GRM3: variants seen among roughly 807,000 people sequenced by gnomAD.
The protein encoded by GRM3 is metabotropic glutamate receptor 3.
Under a neutral mutation model 70.5 loss-of-function variants are expected in GRM3, and 26 were observed. The observed-to-expected ratio is 0.37, with a 90% confidence interval of 0.27 to 0.51. The LOEUF (loss-of-function observed/expected upper bound fraction) is 0.51. Among genes scored for constraint, GRM3 ranks in the 20% least tolerant of loss-of-function variants. GRM3 has a pLI of 0.93. For synonymous variants in GRM3, 443 were observed against 434.9 expected, an observed-to-expected ratio of 1.02 and a Z score of -0.23; for missense variants, 859 against 1,123.8, an observed-to-expected ratio of 0.76 and a Z score of 3.37.
intron 3 of GRM3, among the ~76,000 whole-genome samples, chr7:86,789,733 T>C (rs1315394280): frequency 1.3e-5 from 2 of 152,216 alleles, no homozygotes; most frequent in Admixed American, 6.5e-5. Context: ...GGGACACTTT[T>C]AGCCAATTCC....
At chr7:86,856,995 A>G (rs12704294) in intron 5 of GRM3, among the ~76,000 whole-genome samples, 20,778 of 152,098 alleles carry the variant, frequency 0.14, 1,591 homozygotes, top group Non-Finnish European at 0.17. Context: ...TTTGATAACT[A>G]GAGTTATAGA....
rs193065048 is a variant in GRM3, at chr7:86,742,753, A to G, written c.-140-22253A>G. ...TCCCAATAAGAAGTATATTGTGATT[A>G]AAGGTGACCTTTGCAAAGCACTTTA... is the stretch of plus-strand genomic sequence containing the variant. On this transcript the variant is annotated intron_variant, in intron 1 of 5. Transcript: ENST00000361669. Among the ~76,000 whole-genome samples the G allele has an allele frequency of 3.9e-4, 59 of 152,302 alleles. 1 individual carries two copies. The highest frequency in any genetic ancestry group is 3.7e-3 in the Admixed American group (57 of 15,278).
chr7:86,764,683 A>G (rs1007861602), intron 1 of GRM3, among the ~76,000 whole-genome samples: 10 of 152,128 alleles, frequency 6.6e-5, no homozygotes, highest in Non-Finnish European at 1.2e-4. Context: ...TAGAGAGAGT[A>G]CTGGACTTGG....
At chr7:86,785,683 T>A (rs13231431) in intron 2 of GRM3, among the ~76,000 whole-genome samples, 31,089 of 129,926 alleles carry the variant, frequency 0.24, 4,157 homozygotes, top group African/African-American at 0.3. Context: ...TAAATAGAAT[T>A]GATTTTTTTT....
rs2116734919 is a variant in GRM3, at chr7:86,838,972, G to T, written c.1458G>T (p.Trp486Cys). 6.2e-7 allele frequency: 1 copy of T among 1,613,950 alleles called. No individual in the cohort carries two copies. The highest frequency in any genetic ancestry group is 1.3e-5 in the African/African-American group (1 of 75,008). Reference protein sequence around the residue: ...GKYSYLKVGHWAETLSLDVNS... With the variant: ...GKYSYLKVGHCAETLSLDVNS... ...ATTCCTACTTGAAAGTTGGTCACTG[G>T]GCAGAAACCTTATCGCTAGATGTCA... The change falls in exon 4 of 6, where the codon TGG (tryptophan) becomes TGT (cysteine). Residue 486 changes from tryptophan to cysteine, a missense_variant. Coordinates refer to ENST00000361669, the MANE Select transcript of GRM3 (RefSeq NM_000840.3).
intron 1 of GRM3, among the ~76,000 whole-genome samples, chr7:86,705,357 G>A (rs1273244431): frequency 6.6e-6 from 1 of 151,942 alleles, no homozygotes; most frequent in Non-Finnish European, 1.5e-5. Flanking sequence ...CAGTCAATTG[G>A]CACCAACATA....
At chr7:86,775,146 G>C (rs896528582) in intron 2 of GRM3, 1 of 151,984 alleles carries the variant, frequency 6.6e-6, no homozygotes, top group Admixed American at 6.6e-5. Flanking sequence ...ATTAAATAAA[G>C]TTTTTGTGTT....
chr7:86,764,128 G>A (rs1322820993), intron 1 of GRM3, among the ~76,000 whole-genome samples: 2 of 152,146 alleles, frequency 1.3e-5, no homozygotes, highest in African/African-American at 2.4e-5. Context: ...TGAAGGATGT[G>A]TGGGTAAAGC....
At chr7:86,789,370 A>C (rs1797350010) in intron 3 of GRM3, among the ~76,000 whole-genome samples, 1 of 152,236 alleles carries the variant, frequency 6.6e-6, no homozygotes, top group Admixed American at 6.5e-5. Flanking sequence ...CAAAGAACTA[A>C]CTATAGTAAT....
chr7:86,854,224 G>A (rs527392358), intron 5 of GRM3, among the ~76,000 whole-genome samples: 7 of 152,140 alleles, frequency 4.6e-5, no homozygotes, highest in Non-Finnish European at 1.0e-4. Flanking sequence ...GGAAAGTACA[G>A]CCATATCAAT....
chr7:86,727,218 A>C (rs1021348078), intron 1 of GRM3, among the ~76,000 whole-genome samples: 5 of 152,170 alleles, frequency 3.3e-5, no homozygotes, highest in African/African-American at 1.2e-4. Context: ...CATTTTAACC[A>C]AATATGACCC....
rs554439283 is a variant in GRM3 at position 86,654,869 on chromosome 7, AT to A, written c.-141+10005del. On this transcript the variant is annotated intron_variant, in intron 1 of 5. Coordinates refer to ENST00000361669, the MANE Select transcript of GRM3 (RefSeq NM_000840.3). Reference sequence around the variant, plus strand: ...TTATAGCATGAACAATAATGTAGAAATTTTTTTTATATTCAGCTTACACTAA... The same window carrying A: ...TTATAGCATGAACAATAATGTAGAAATTTTTTTATATTCAGCTTACACTAA... 2.6e-3 allele frequency among the ~76,000 whole-genome samples: 402 copies of A among 152,212 alleles called. 2 individuals are homozygous for A. The highest frequency in any genetic ancestry group is 0.021 in the Middle Eastern group (6 of 292).
At chr7:86,852,535 A>G (rs995313818) in intron 5 of GRM3, among the ~76,000 whole-genome samples, 3 of 152,180 alleles carry the variant, frequency 2.0e-5, no homozygotes, top group Admixed American at 6.6e-5. Context: ...ATAGTGACCC[A>G]ATTAGTACTT....
intron 2 of GRM3, among the ~76,000 whole-genome samples, chr7:86,766,382 A>T (rs191822370): frequency 0.01 from 1,375 of 136,520 alleles, 16 homozygotes; most frequent in African/African-American, 0.04. Flanking sequence ...TACTACCATT[A>T]AAAAAAAAAA....
chr7:86,743,788 G>A lies in GRM3; in HGVS notation c.-140-21218G>A, dbSNP rs1055607238. On this transcript the variant is annotated intron_variant, in intron 1 of 5. Coordinates refer to ENST00000361669, the MANE Select transcript of GRM3 (RefSeq NM_000840.3). ...CAAGATCTCTGTGGGCTAGAAAAGA[G>A]TGTTCAGCCCCTCCTCCAAATCTAT... Among the ~76,000 whole-genome samples the A allele has an allele frequency of 3.9e-5, 6 of 152,256 alleles. No homozygotes were observed. The East Asian group carries it at 7.7e-4, about 20-fold the overall frequency.
rs764824958 is a variant in GRM3 at position 86,742,403 on chromosome 7, AG to A, written c.-140-22601del. On this transcript the variant is annotated intron_variant, in intron 1 of 5. Coordinates refer to ENST00000361669, the MANE Select transcript of GRM3 (RefSeq NM_000840.3). ...TATCTCTTTTTTAACTGCTTTATTG[AG>A]GTATAGTTGACAATTTAAAATTACA... Among the ~76,000 whole-genome samples, 60 of 152,238 alleles carry A rather than the reference AG, an allele frequency of 3.9e-4. 1 individual carries two copies. The highest frequency in any genetic ancestry group is 5.2e-4 in the Admixed American group (8 of 15,276).
rs556875166 is a variant in GRM3, at chr7:86,669,705, T to C, written c.-141+24833T>C. Reference sequence around the variant, plus strand: ...TTTGTTCCATTCCAAGTCCTTCTCTTCTGTCTAAAAACATGCCCAATATTT... The same window carrying C: ...TTTGTTCCATTCCAAGTCCTTCTCTCCTGTCTAAAAACATGCCCAATATTT... On this transcript the variant is annotated intron_variant, in intron 1 of 5. Coordinates refer to ENST00000361669, the MANE Select transcript of GRM3 (RefSeq NM_000840.3). Among the ~76,000 whole-genome samples the C allele has an allele frequency of 1.2e-4, 18 of 152,338 alleles. 2 individuals are homozygous for C. The South Asian group carries it at 3.7e-3, about 32-fold the overall frequency.
chr7:86,742,772 C>A (rs1173207805), intron 1 of GRM3, among the ~76,000 whole-genome samples: 1 of 152,108 alleles, frequency 6.6e-6, no homozygotes, highest in Non-Finnish European at 1.5e-5. Flanking sequence ...CTTTGCAAAG[C>A]ACTTTAGGGA....
At chr7:86,762,363 A>G (rs749845532) in intron 1 of GRM3, among the ~76,000 whole-genome samples, 1 of 152,136 alleles carries the variant, frequency 6.6e-6, no homozygotes, top group South Asian at 2.1e-4. Flanking sequence ...AACATACCCC[A>G]GCTGACTCTG....
Sources: allele counts gnomAD v4.1 joint callset (sites outside exome capture counted in the v4.1 genomes callset), GRCh38; gene constraint gnomAD v4.1.1; transcripts MANE v1.5; gene names NCBI Gene and HGNC (gene_info 2026-07-23, HGNC 2026-07-21).